Variants in KCNH5 observed in about 807,000 individuals in gnomAD.
KCNH5 encodes the protein voltage-gated delayed rectifier potassium channel KCNH5.
KCNH5 carries 46 observed loss-of-function variants against 96.1 expected under a neutral mutation model. The ratio of observed to expected loss-of-function variants is 0.48; its 90% CI spans 0.38 to 0.61. KCNH5 has a LOEUF of 0.61. Ranked by LOEUF, KCNH5 falls within the 20% of genes least tolerant of loss-of-function variation. The pLI is 0.00. For missense variants in KCNH5, 907 were observed against 1,225.8 expected (o/e 0.74, Z 3.88); for synonymous variants, 439 against 449.8 (o/e 0.98, Z 0.30).
At chr14:62,776,872 T>C (rs1468080893) in intron 10 of KCNH5, among the ~76,000 whole-genome samples, 1 of 152,144 alleles carries the variant, frequency 6.6e-6, no homozygotes, top group Non-Finnish European at 1.5e-5. Context: ...ATTGCAGCCA[T>C]GGAAAGCCAC....
intron 6 of KCNH5, among the ~76,000 whole-genome samples, chr14:62,961,685 T>G (rs1235049171): frequency 6.6e-6 from 1 of 151,826 alleles, no homozygotes; most frequent in East Asian, 1.9e-4. Context: ...AAAATGGAAA[T>G]GGAGATGGAG....
intron 10 of KCNH5, among the ~76,000 whole-genome samples, chr14:62,742,748 C>T (rs1310312338): frequency 6.6e-6 from 1 of 152,102 alleles, no homozygotes; most frequent in Non-Finnish European, 1.5e-5. Context: ...GAGGAGATGC[C>T]ATGGCGCCAT....
intron 7 of KCNH5, among the ~76,000 whole-genome samples, chr14:62,910,753 T>C (rs2140100324): frequency 6.6e-6 from 1 of 152,262 alleles, no homozygotes; most frequent in South Asian, 2.1e-4. Context: ...ATCAGGCAGC[T>C]TCCCAGCTCA....
intron 8 of KCNH5, among the ~76,000 whole-genome samples, chr14:62,845,103 C>T (rs954730762): frequency 6.6e-6 from 1 of 151,510 alleles, no homozygotes; most frequent in Admixed American, 6.6e-5. Context: ...ATTTGATAAC[C>T]TCTATTTAAA....
intron 10 of KCNH5, among the ~76,000 whole-genome samples, chr14:62,759,266 T>C (rs942490156): frequency 6.6e-6 from 1 of 152,164 alleles, no homozygotes; most frequent in Non-Finnish European, 1.5e-5. Flanking sequence ...GAAGCACACC[T>C]GAGGATTGAA....
intron 8 of KCNH5, among the ~76,000 whole-genome samples, chr14:62,805,924 G>A (rs2140003050): frequency 6.6e-6 from 1 of 152,248 alleles, no homozygotes; most frequent in African/African-American, 2.4e-5. Flanking sequence ...TAGGTGCTGG[G>A]TAAAATGAGG....
chr14:62,852,997 C>T (rs1166694204), intron 7 of KCNH5, among the ~76,000 whole-genome samples: 8 of 152,170 alleles, frequency 5.3e-5, no homozygotes, highest in East Asian at 1.9e-4. Context: ...GGATCTAACA[C>T]ATCCGAAAAG....
intron 7 of KCNH5, among the ~76,000 whole-genome samples, chr14:62,913,097 G>T (rs1396089545): frequency 1.3e-5 from 2 of 152,154 alleles, no homozygotes; most frequent in Non-Finnish European, 2.9e-5. Context: ...AAATGTATGG[G>T]GTAAGTTAGT....
chr14:62,914,717 C>T (rs1326444028), intron 7 of KCNH5, among the ~76,000 whole-genome samples: 1 of 152,192 alleles, frequency 6.6e-6, no homozygotes, highest in Non-Finnish European at 1.5e-5. Context: ...TACCAGACAT[C>T]ACTGGTACCA....
rs1886686337 is a variant in KCNH5, at chr14:62,802,592, T to C, written c.1570-11A>G. On this transcript the variant is annotated splice_polypyrimidine_tract_variant and intron_variant, in intron 8 of 10. Coordinates refer to ENST00000322893, the MANE Select transcript of KCNH5 (RefSeq NM_139318.5). Reference sequence around the variant, plus strand: ...ACAGATGGAGAGGACCTAAAGAAGGTGAGAGATGAATAAGTGAAAAGGAAA... The same window carrying C: ...ACAGATGGAGAGGACCTAAAGAAGGCGAGAGATGAATAAGTGAAAAGGAAA... 4 of 1,611,828 alleles carry C rather than the reference T, an allele frequency of 2.5e-6. No individual in the cohort carries two copies. In the South Asian group the frequency reaches 3.3e-5, roughly 13 times the overall value.
intron 9 of KCNH5, among the ~76,000 whole-genome samples, chr14:62,801,475 A>C (rs889410835): frequency 6.7e-6 from 1 of 149,998 alleles, no homozygotes; most frequent in Non-Finnish European, 1.5e-5. Flanking sequence ...TTGAGCAGAA[A>C]ATGATCTAAA....
At chr14:62,716,231 G>C (rs1884681889) in intron 10 of KCNH5, among the ~76,000 whole-genome samples, 1 of 152,110 alleles carries the variant, frequency 6.6e-6, no homozygotes, top group Non-Finnish European at 1.5e-5. Context: ...GCTATTCCAA[G>C]GTTAATCTGA....
chr14:63,045,405 C>T lies in KCNH5; in HGVS notation c.-219G>A, dbSNP rs1006400269. ...GGCAGTTCATGGTAGTAGCGCTCCC[C>T]CGGCCGCCGCTGCCCAGACTGTGGC... On this transcript the variant is annotated 5_prime_UTR_variant, in exon 1 of 11. Transcript: ENST00000322893. 3.3e-5 allele frequency: 19 copies of T among 571,070 alleles called. No homozygotes were observed. The African/African-American group carries it at 3.4e-4, about 10-fold the overall frequency. The allele number at this position is 571,070 out of a possible 1,614,324, so 35.4% of individuals were successfully genotyped here.
chr14:62,844,304 G>GA lies in KCNH5; in HGVS notation c.1569+5348dup, dbSNP rs1415356462. Among the ~76,000 whole-genome samples the GA allele has an allele frequency of 2.6e-5, 4 of 151,898 alleles. No individual in the cohort carries two copies. In the South Asian group the frequency reaches 6.2e-4, roughly 24 times the overall value. ...GACCTTTCATTGTATGCAACAAGCTGAAAAAAATCCAGTATGATGGGAAAT... is the reference window on the plus strand; with the variant it reads ...GACCTTTCATTGTATGCAACAAGCTGAAAAAAAATCCAGTATGATGGGAAAT... On this transcript the variant is annotated intron_variant, in intron 8 of 10. Transcript: ENST00000322893.
chr14:62,900,783 G>GA (rs976878273), intron 7 of KCNH5, among the ~76,000 whole-genome samples: 7 of 151,456 alleles, frequency 4.6e-5, no homozygotes, highest in African/African-American at 1.2e-4. Context: ...AAAAGTTTTT[G>GA]AAAAAAAATC....
chr14:62,785,508 C>A (rs1886302865), intron 9 of KCNH5, among the ~76,000 whole-genome samples: 1 of 152,162 alleles, frequency 6.6e-6, no homozygotes, highest in South Asian at 2.1e-4. Flanking sequence ...GTAGTCTCTG[C>A]TATAAACATT....
chr14:62,980,580 T>C (rs1007607270), intron 6 of KCNH5, among the ~76,000 whole-genome samples: 7 of 152,224 alleles, frequency 4.6e-5, no homozygotes, highest in African/African-American at 1.7e-4. Flanking sequence ...CAATCAATTA[T>C]GTAGTTTGTG....
chr14:62,826,263 A>T (rs1311273232), intron 8 of KCNH5, among the ~76,000 whole-genome samples: 1 of 152,016 alleles, frequency 6.6e-6, no homozygotes, highest in East Asian at 1.9e-4. Context: ...CTATAGCTTC[A>T]TTGTGAATCA....
At chr14:62,814,022 A>G (rs955481210) in intron 8 of KCNH5, among the ~76,000 whole-genome samples, 5 of 152,196 alleles carry the variant, frequency 3.3e-5, no homozygotes, top group Non-Finnish European at 7.3e-5. Context: ...AGTGAATAAA[A>G]CCAAACCAAA....
Sources: allele counts gnomAD v4.1 joint callset (sites outside exome capture counted in the v4.1 genomes callset), GRCh38; gene constraint gnomAD v4.1.1; transcripts MANE v1.5; gene names NCBI Gene and HGNC (gene_info 2026-07-23, HGNC 2026-07-21).